Variants in NLRX1 observed in about 807,000 individuals in gnomAD.
The protein encoded by NLRX1 is NLR family member X1.
NLRX1 carries 67 observed loss-of-function variants against 74.2 expected under a neutral mutation model. The ratio of observed to expected loss-of-function variants is 0.90; its 90% CI spans 0.74 to 1.11. NLRX1 has a LOEUF of 1.11. Among genes scored for constraint, NLRX1 ranks in the 50% least tolerant of loss-of-function variants. The pLI, the probability that NLRX1 is intolerant of heterozygous loss-of-function variation, is 0.00. For synonymous variants in NLRX1, 506 were observed against 559.1 expected (o/e 0.91, Z 1.34); for missense variants, 1,191 against 1,305.4 (o/e 0.91, Z 1.35).
intron 6 of NLRX1, among the ~76,000 whole-genome samples, chr11:119,179,139 C>T (rs1383374971): frequency 3.3e-5 from 5 of 152,178 alleles, no homozygotes; most frequent in Admixed American, 3.3e-4. Flanking sequence ...GTAGGAACTG[C>T]ATGTTGAAGA....
rs1205702413 is a variant in NLRX1, at chr11:119,172,882, C to T, written c.141-19C>T. On this transcript the variant is annotated intron_variant, in intron 3 of 9. Transcript: ENST00000409109. ...ATCCAAGTTACAAGTCCCAGCTCAT[C>T]CCCTCTCCTTGTTCCCAGGGCCTTT... 2 of 1,595,206 alleles carry T rather than the reference C, an allele frequency of 1.3e-6. No individual in the cohort carries two copies. Among genetic ancestry groups the T allele is most frequent in the Non-Finnish European group, 1.7e-6 (2 of 1,163,110 alleles).
chr11:119,179,735 G>C lies in NLRX1; in HGVS notation c.1714G>C (p.Glu572Gln). ...TGGGCGCATGGTGGGTAAAAGCCGG[G>C]AGGCGGTGGCTCAGGCCATGGTGCT... Reference protein sequence around the residue: ...VFGRMVGKSREAVAQAMVLEM... With the variant: ...VFGRMVGKSRQAVAQAMVLEM... The change falls in exon 7 of 10, where the codon GAG becomes CAG. Residue 572 changes from glutamate (E) to glutamine (Q), a missense_variant. Transcript: ENST00000409109. 1 of 1,611,174 alleles carries C rather than the reference G, an allele frequency of 6.2e-7. No individual in the cohort carries two copies. The highest frequency in any genetic ancestry group is 1.1e-5 in the South Asian group (1 of 90,988).
chr11:119,171,016 G>C (rs1480405612), intron 1 of NLRX1, among the ~76,000 whole-genome samples: 1 of 152,160 alleles, frequency 6.6e-6, no homozygotes, highest in Non-Finnish European at 1.5e-5. Context: ...GGTGGTGGGC[G>C]CCTGTAATCC....
At chr11:119,169,390 C>G (rs1948484242) in intron 1 of NLRX1, 88 bp downstream of exon 1, 1 of 152,488 alleles carries the variant, frequency 6.6e-6, no homozygotes, top group Admixed American at 6.5e-5. Context: ...CCGCAAGTCC[C>G]GTCTTGACTC....
At position 119,173,474 on chromosome 11, in the gene NLRX1, C is replaced by T; in HGVS notation, c.230-5C>T. On this transcript the variant is annotated splice_polypyrimidine_tract_variant and splice_region_variant and intron_variant, in intron 4 of 9. Transcript: ENST00000409109. The surrounding 1 kb of genome is among the most constrained non-coding windows in gnomAD (Gnocchi z 4.0). ...CTGACACATTTCCCTTATCTTCCCACTCAGAAGCTATACAGCGGCACCGCC... is the reference window on the plus strand; with the variant it reads ...CTGACACATTTCCCTTATCTTCCCATTCAGAAGCTATACAGCGGCACCGCC... 3 of 1,610,864 alleles carry T rather than the reference C, an allele frequency of 1.9e-6. No homozygotes were observed. The highest frequency in any genetic ancestry group is 2.2e-5 in the South Asian group (2 of 91,024).
chr11:119,175,498 G>C (rs1474404067), intron 6 of NLRX1, among the ~76,000 whole-genome samples: 2 of 152,194 alleles, frequency 1.3e-5, no homozygotes, highest in African/African-American at 4.8e-5. Context: ...GCTGGGGAAG[G>C]CTTGGTGGCT....
chr11:119,171,004 G>C (rs1317261406), intron 1 of NLRX1, among the ~76,000 whole-genome samples: 1 of 152,188 alleles, frequency 6.6e-6, no homozygotes, highest in Admixed American at 6.5e-5. Flanking sequence ...TTAGCCCAGT[G>C]TGGTGGTGGG....
intron 9 of NLRX1, among the ~76,000 whole-genome samples, chr11:119,182,886 C>CA (rs200343163): frequency 0.098 from 13,847 of 141,958 alleles, 921 homozygotes; most frequent in South Asian, 0.33. Flanking sequence ...GACTCCATCT[C>CA]AAAAAAAACA....
At chr11:119,178,705 T>C (rs2135182231) in intron 6 of NLRX1, among the ~76,000 whole-genome samples, 1 of 151,220 alleles carries the variant, frequency 6.6e-6, no homozygotes, top group South Asian at 2.1e-4. Context: ...AGGCTTTTTT[T>C]TTTTTTTTTT....
intron 6 of NLRX1, among the ~76,000 whole-genome samples, chr11:119,178,862 T>C (rs1353420611): frequency 6.6e-6 from 1 of 152,098 alleles, no homozygotes; most frequent in Non-Finnish European, 1.5e-5. Flanking sequence ...AGAAAATTTT[T>C]TTAATAGAGA....
At position 119,180,121 on chromosome 11, in the gene NLRX1, G is replaced by A. The variant is rs766966856; in HGVS notation, c.2100G>A (p.Gln700=). 4 of 1,613,324 alleles carry A rather than the reference G, an allele frequency of 2.5e-6. No homozygotes were observed. In the East Asian group the frequency reaches 8.9e-5, roughly 36 times the overall value. The change falls in exon 7 of 10, where the codon CAG becomes CAA. Residue 700 remains glutamine (Q), a synonymous_variant. Transcript: ENST00000409109. ...FSAEVLSSLR[Q]LNLAGVRMTP... is the part of the protein sequence containing the mutation. ...CTGAGGTGCTCAGCTCCCTGCGTCA[G>A]CTCAACCTGGCAGGTGTGCGCATGA...
rs976084313 is a variant in NLRX1 at position 119,173,062 on chromosome 11, G to C, written c.229+73G>C. 9.8e-5 allele frequency: 117 copies of C among 1,198,820 alleles called. No homozygotes were observed. The African/African-American group carries it at 1.5e-3, about 15-fold the overall frequency. The allele number at this position is 1,198,820 out of a possible 1,614,324, so 74.3% of individuals were successfully genotyped here. On this transcript the variant is annotated intron_variant, in intron 4 of 9. Transcript: ENST00000409109. This position sits in a 1 kb window ranked among gnomAD's most constrained non-coding sequence, Gnocchi z 4.0. The stretch of plus-strand genomic sequence containing the variant: ...GGGGCTGGAAGGAGAAGCAGGGTGA[G>C]GGAGGCATAGAGGATCCACTGCCAT...
Sources: allele counts gnomAD v4.1 joint callset (sites outside exome capture counted in the v4.1 genomes callset), GRCh38; gene constraint gnomAD v4.1.1; non-coding constraint Gnocchi (gnomAD v3.1); transcripts MANE v1.5; gene names NCBI Gene and HGNC (gene_info 2026-07-23, HGNC 2026-07-21).